MGAT1: variants seen among roughly 807,000 people sequenced by gnomAD.
The protein encoded by MGAT1 is N-glycosyl-oligosaccharide-glycoprotein N-acetylglucosaminyltransferase I.
Under a neutral mutation model 31.7 loss-of-function variants are expected in MGAT1, and 14 were observed. The ratio of observed to expected loss-of-function variants is 0.44; its 90% confidence interval spans 0.29 to 0.69. The LOEUF is 0.69. Ranked by LOEUF, MGAT1 falls within the 30% of genes least tolerant of loss-of-function variation. The probability of loss-of-function intolerance (pLI) is 0.12; values close to 1 mark genes in which losing one functional copy is unlikely to be tolerated. For synonymous variants in MGAT1, 338 were observed against 276.0 expected, an observed-to-expected ratio of 1.22 and a Z score of -2.23; for missense variants, 557 against 626.0, an observed-to-expected ratio of 0.89 and a Z score of 1.18.
intron 1 of MGAT1, among the ~76,000 whole-genome samples, chr5:180,814,717 G>A (rs976247502): frequency 6.6e-6 from 1 of 152,082 alleles, no homozygotes; most frequent in African/African-American, 2.4e-5. Context: ...TGAGGCGGGT[G>A]GGTCATGAGG....
chr5:180,804,601 G>C (rs865916868), upstream of MGAT1, among the ~76,000 whole-genome samples: 4 of 152,268 alleles, frequency 2.6e-5, no homozygotes, highest in Non-Finnish European at 5.9e-5. Context: ...TTGCCTAATG[G>C]AGGAGTCAGG....
chr5:180,807,450 T>A (rs1025519182), upstream of MGAT1, among the ~76,000 whole-genome samples: 4 of 152,168 alleles, frequency 2.6e-5, no homozygotes, highest in African/African-American at 9.7e-5. Context: ...GCTGCTTTTA[T>A]AGGGAATACA....
chr5:180,812,154 A>G (rs985119138), intron 1 of MGAT1, among the ~76,000 whole-genome samples: 3 of 152,304 alleles, frequency 2.0e-5, no homozygotes, highest in African/African-American at 7.2e-5. Flanking sequence ...TTTGATTGCT[A>G]TATCCCGGTG....
At chr5:180,812,781 T>G (rs925965218) in intron 1 of MGAT1, among the ~76,000 whole-genome samples, 1 of 152,262 alleles carries the variant, frequency 6.6e-6, no homozygotes, top group African/African-American at 2.4e-5. Context: ...TAATTTCAGT[T>G]GCTTCAGAAT....
intron 1 of MGAT1, among the ~76,000 whole-genome samples, chr5:180,798,163 A>G (rs1335879363): frequency 6.6e-6 from 1 of 152,156 alleles, no homozygotes; most frequent in African/African-American, 2.4e-5. Flanking sequence ...TGCTGTGAAG[A>G]TCGGATGAGA....
At chr5:180,794,811 G>A (rs1768997044) in intron 1 of MGAT1, among the ~76,000 whole-genome samples, 2 of 151,282 alleles carry the variant, frequency 1.3e-5, no homozygotes, top group Admixed American at 6.6e-5. Context: ...TTATAACCAA[G>A]CCCAGTCTCT....
At chr5:180,809,784 A>AAC (rs1198962879) in intron 1 of MGAT1, 1 of 148,594 alleles carries the variant, frequency 6.7e-6, no homozygotes, top group Non-Finnish European at 1.5e-5. Flanking sequence ...TTTATTCGTA[A>AAC]ACACACACAC....
chr5:180,813,540 C>G (rs1054332328), intron 1 of MGAT1, among the ~76,000 whole-genome samples: 3 of 152,172 alleles, frequency 2.0e-5, no homozygotes, highest in Non-Finnish European at 4.4e-5. Context: ...AAAGTCTGGT[C>G]TTGCTGTACA....
At chr5:180,811,377 T>C (rs918724940) in intron 1 of MGAT1, 1 of 152,222 alleles carries the variant, frequency 6.6e-6, no homozygotes, top group Non-Finnish European at 1.5e-5. Context: ...ACATATTGCT[T>C]AATTATATTG....
In MGAT1 at chr5:180,791,937, G is replaced by C; in HGVS notation, c.1035C>G (p.Asp345Glu). 6.2e-7 allele frequency: 1 copy of C among 1,614,196 alleles called. No homozygotes were observed. Among genetic ancestry groups the C allele is most frequent in the East Asian group, 2.2e-5 (1 of 44,882 alleles). Residue 345 changes from aspartate (D) to glutamate (E), a missense_variant, in exon 2 of 2, where the codon GAC (aspartate) becomes GAG (glutamate). By Grantham distance (45) the Asp-to-Glu change is conservative. Coordinates refer to ENST00000307826, the MANE Select transcript of MGAT1 (RefSeq NM_002406.4). Reference sequence around the variant, plus strand: ...AGGCCTCCCGCTGCAGGTAAGACAGGTCCAGCTGGGTGAAGTGCACAAACT... The same window carrying C: ...AGGCCTCCCGCTGCAGGTAAGACAGCTCCAGCTGGGTGAAGTGCACAAACT... ...NQQFVHFTQL[D>E]LSYLQREAYD...
At chr5:180,799,464 C>T (rs767892865) in intron 1 of MGAT1, among the ~76,000 whole-genome samples, 2 of 152,154 alleles carry the variant, frequency 1.3e-5, no homozygotes, top group Non-Finnish European at 2.9e-5. Context: ...CTCCCTATGA[C>T]TACACTCCCA....
At chr5:180,798,212 A>G (rs1367795252) in intron 1 of MGAT1, among the ~76,000 whole-genome samples, 5 of 152,156 alleles carry the variant, frequency 3.3e-5, no homozygotes, top group Non-Finnish European at 5.9e-5. Context: ...CCGGCATGAC[A>G]ACGTAAATAT....
intron 1 of MGAT1, among the ~76,000 whole-genome samples, chr5:180,793,400 G>A (rs1768661277): frequency 6.6e-6 from 1 of 152,158 alleles, no homozygotes. Flanking sequence ...AGGAGTGACA[G>A]CATCTGCCTA....
rs678529 is a variant in MGAT1, at chr5:180,794,191, C to A, written c.-126-1094G>T. ...CCCAGGAGTTCAAGAATAGCCTGGGCAGCACACGGAGACCCTGTCTCTACA... is the reference window on the plus strand; with the variant it reads ...CCCAGGAGTTCAAGAATAGCCTGGGAAGCACACGGAGACCCTGTCTCTACA... On this transcript the variant is annotated intron_variant, in intron 1 of 1. Coordinates refer to ENST00000307826, the MANE Select transcript of MGAT1 (RefSeq NM_002406.4). Among the ~76,000 whole-genome samples, 909 of 147,204 alleles carry A rather than the reference C, an allele frequency of 6.2e-3. 10 individuals carry two copies. Among genetic ancestry groups the A allele is most frequent in the African/African-American group, 0.02 (792 of 39,480 alleles).
In MGAT1 at chr5:180,792,803, G is replaced by C. The variant is rs1457196944; in HGVS notation, c.169C>G (p.Leu57Val). 1 of 1,556,228 alleles carries C rather than the reference G, an allele frequency of 6.4e-7. No individual in the cohort carries two copies. Among genetic ancestry groups the C allele is most frequent in the African/African-American group, 1.4e-5 (1 of 73,546 alleles). ...AGCTCCACCTCGGCGTCTTGGGCCA[G>C]GCGAATCACTTCCCGGGTGAGGCTG... ...PASLTREVIR[L>V]AQDAEVELER... The change falls in exon 2 of 2, where the codon CTG (leucine) becomes GTG (valine). Residue 57 changes from leucine (L) to valine (V), a missense_variant. Physicochemically the swap from Leu to Val is conservative, Grantham distance 32 (BLOSUM62 1). Transcript: ENST00000307826.
upstream of MGAT1, among the ~76,000 whole-genome samples, chr5:180,806,187 G>A (rs1485255418): frequency 6.6e-6 from 1 of 152,150 alleles, no homozygotes; most frequent in Non-Finnish European, 1.5e-5. Flanking sequence ...TTGGGAGGCT[G>A]AGGCAGGGGA....
chr5:180,792,833 G>C lies in MGAT1; in HGVS notation c.139C>G (p.Pro47Ala), dbSNP rs758113077. The C allele has an allele frequency of 9.0e-6, 14 of 1,562,294 alleles. No homozygotes were observed. The South Asian group carries it at 1.6e-4, about 18-fold the overall frequency. The change falls in exon 2 of 2, where the codon CCC becomes GCC. Residue 47 changes from proline (P) to alanine (A), a missense_variant. Coordinates refer to ENST00000307826, the MANE Select transcript of MGAT1 (RefSeq NM_002406.4). ...ATCACTTCCCGGGTGAGGCTGGCGG[G>C]GTCGCCATCGAGAGCGCTGACTGAG... is the stretch of plus-strand genomic sequence containing the variant. ...PPSVSALDGD[P>A]ASLTREVIRL...
At chr5:180,807,287 A>AT (rs1771996611), upstream of MGAT1, among the ~76,000 whole-genome samples, 1 of 152,152 alleles carries the variant, frequency 6.6e-6, no homozygotes, top group Non-Finnish European at 1.5e-5. Flanking sequence ...TGCCCAGGCC[A>AT]CCATACCCTA....
rs1768065271 is a variant in MGAT1 at position 180,791,459 on chromosome 5, A to T, written c.*175T>A. 1.3e-6 allele frequency: 1 copy of T among 780,478 alleles called. No individual in the cohort carries two copies. Among genetic ancestry groups the T allele is most frequent in the African/African-American group, 1.8e-5 (1 of 57,064 alleles). 48.3% of individuals were successfully genotyped at this position (780,478 alleles called of 1,614,324 possible). A position where few individuals can be genotyped will look rare whatever the true frequency, so the allele number is the denominator to read the frequency against. The stretch of plus-strand genomic sequence containing the variant: ...TAGTTCCCCTGATCTGACTCCCTTG[A>T]GAACGGGAGAATAATCCTCTTGTTA... On this transcript the variant is annotated 3_prime_UTR_variant, in exon 2 of 2. Transcript: ENST00000307826.
Sources: allele counts gnomAD v4.1 joint callset (sites outside exome capture counted in the v4.1 genomes callset), GRCh38; gene constraint gnomAD v4.1.1; transcripts MANE v1.5; gene names NCBI Gene and HGNC (gene_info 2026-07-23, HGNC 2026-07-21).